Variants in RNF38 observed in about 807,000 individuals in gnomAD.
RNF38 encodes ring finger protein 38.
In RNF38, 15 loss-of-function variants were observed where a neutral mutation model predicts 67.2. The ratio of observed to expected loss-of-function variants is 0.22; its 90% CI spans 0.15 to 0.34. The LOEUF (loss-of-function observed/expected upper bound fraction) is 0.34. Ranked by LOEUF, RNF38 falls within the 10% of genes least tolerant of loss-of-function variation. The probability of loss-of-function intolerance (pLI) is 1.00; values close to 1 mark genes in which losing one functional copy is unlikely to be tolerated. For synonymous variants in RNF38, 220 were observed against 218.8 expected, an observed-to-expected ratio of 1.01 and a Z score of -0.05; for missense variants, 524 against 639.9, an observed-to-expected ratio of 0.82 and a Z score of 1.95.
intron 1 of RNF38, among the ~76,000 whole-genome samples, chr9:36,443,908 T>C (rs993892506): frequency 1.3e-5 from 2 of 152,112 alleles, no homozygotes; most frequent in African/African-American, 2.4e-5. Flanking sequence ...CAGTCAACTT[T>C]TGGCTAATGA....
intron 3 of RNF38, among the ~76,000 whole-genome samples, chr9:36,370,164 A>G (rs1251570114): frequency 6.6e-6 from 1 of 152,238 alleles, no homozygotes; most frequent in Non-Finnish European, 1.5e-5. Context: ...GTATTTAGAA[A>G]TCAACAGCTA....
chr9:36,402,042 T>C (rs1838056112), upstream of RNF38, among the ~76,000 whole-genome samples: 1 of 152,180 alleles, frequency 6.6e-6, no homozygotes, highest in African/African-American at 2.4e-5. Context: ...TGTACACTTG[T>C]CTCCCATATC....
exon 1 of RNF38, chr9:36,487,433 G>A: frequency 2.0e-6 from 2 of 980,956 alleles, no homozygotes; most frequent in Non-Finnish European, 2.4e-6. Context: ...TGGGGGGCGC[G>A]GGCGGCGCGG....
intron 4 of RNF38, 58 bp from the exon 5 acceptor site, chr9:36,358,000 T>C: frequency 6.9e-7 from 1 of 1,447,886 alleles, no homozygotes; most frequent in Non-Finnish European, 9.6e-7. Flanking sequence ...TGTTAACTAT[T>C]CAAAATCAAC....
chr9:36,344,813 G>A lies in RNF38; in HGVS notation c.1385+19C>T. The A allele has an allele frequency of 6.2e-7, 1 of 1,607,958 alleles. No individual in the cohort carries two copies. The highest frequency in any genetic ancestry group is 8.5e-7 in the Non-Finnish European group (1 of 1,175,992). On this transcript the variant is annotated intron_variant, in intron 10 of 11. Coordinates refer to ENST00000259605, the MANE Select transcript of RNF38 (RefSeq NM_022781.5). ...GTAGAAAAGGAAATTTAGCAGTGAT[G>A]TCAGAAAAATTTACTTACAAAGTCT...
intron 2 of RNF38, among the ~76,000 whole-genome samples, chr9:36,415,477 T>C (rs923377739): frequency 6.6e-6 from 1 of 152,178 alleles, no homozygotes; most frequent in Non-Finnish European, 1.5e-5. Flanking sequence ...TGGGGCTCAA[T>C]AGCTGTTGTT....
intron 1 of RNF38, among the ~76,000 whole-genome samples, chr9:36,451,414 C>G (rs575260127): frequency 3.3e-5 from 5 of 149,396 alleles, no homozygotes; most frequent in African/African-American, 4.9e-5. Flanking sequence ...CGCAGTGAGC[C>G]GAGATGGCAC....
chr9:36,401,613 T>C (rs1023525698), upstream of RNF38, among the ~76,000 whole-genome samples: 2 of 152,244 alleles, frequency 1.3e-5, no homozygotes, highest in African/African-American at 4.8e-5. Flanking sequence ...AGAACAAAGA[T>C]TGAAGCCGGC....
intron 2 of RNF38, among the ~76,000 whole-genome samples, chr9:36,380,961 A>AT (rs1836171028): frequency 6.6e-6 from 1 of 152,238 alleles, no homozygotes; most frequent in Non-Finnish European, 1.5e-5. Flanking sequence ...AGTAGTCAAA[A>AT]TTTCCAAAGT....
chr9:36,431,856 C>T (rs1481768244), intron 1 of RNF38, among the ~76,000 whole-genome samples: 1 of 152,098 alleles, frequency 6.6e-6, no homozygotes, highest in East Asian at 1.9e-4. Context: ...CAGCCCTCAT[C>T]TAGAAGCTAT....
rs775116521 is a variant in RNF38 at position 36,454,905 on chromosome 9, G to A, written n.242-30222C>T. ...GACCTAATTTTAAATCCTGTAAACA[G>A]ATTTTCAAGGTTATATATTTATGCT... On this transcript the variant is annotated intron_variant and non_coding_transcript_variant, in intron 1 of 3. Coordinates refer to the RNF38 transcript ENST00000488058. Among the ~76,000 whole-genome samples the A allele has an allele frequency of 1.4e-4, 22 of 152,152 alleles. 1 individual carries two copies. Among genetic ancestry groups the A allele is most frequent in the Middle Eastern group, 3.4e-3 (1 of 294 alleles).
intron 3 of RNF38, 54 bp downstream of exon 3, chr9:36,375,880 C>T (rs1201542052): frequency 6.7e-7 from 1 of 1,503,454 alleles, no homozygotes; most frequent in African/African-American, 1.4e-5. Flanking sequence ...GTTAAATATA[C>T]TCACAAATCT....
chr9:36,469,804 C>T lies in RNF38; in HGVS notation n.241+17504G>A, dbSNP rs148817378. Among the ~76,000 whole-genome samples, 1,219 of 152,156 alleles carry T rather than the reference C, an allele frequency of 8.0e-3. 19 individuals carry two copies. The highest frequency in any genetic ancestry group is 0.027 in the African/African-American group (1,127 of 41,506). ...CAGCCTGGCCAACATGGCGAAAACC[C>T]GTCTCTACTACAAAATACAAAAAAT... On this transcript the variant is annotated intron_variant and non_coding_transcript_variant, in intron 1 of 3. Coordinates refer to the RNF38 transcript ENST00000488058.
chr9:36,391,551 C>G (rs1402244669), intron 1 of RNF38, among the ~76,000 whole-genome samples: 1 of 151,598 alleles, frequency 6.6e-6, no homozygotes. Context: ...TCACTCAATC[C>G]TACATTTAAG....
intron 3 of RNF38, among the ~76,000 whole-genome samples, chr9:36,373,890 C>T (rs1835582676): frequency 6.6e-6 from 1 of 152,048 alleles, no homozygotes; most frequent in Non-Finnish European, 1.5e-5. Flanking sequence ...AGGGTTTCAC[C>T]ATGTTGGTCA....
intron 2 of RNF38, among the ~76,000 whole-genome samples, chr9:36,407,689 T>C (rs1297693471): frequency 6.6e-6 from 1 of 152,174 alleles, no homozygotes; most frequent in East Asian, 1.9e-4. Context: ...CTCTTGCTTG[T>C]TCTGTTCCGG....
chr9:36,444,380 TA>T, intron 1 of RNF38, among the ~76,000 whole-genome samples: 1 of 152,174 alleles, frequency 6.6e-6, no homozygotes, highest in South Asian at 2.1e-4. Context: ...GGTGATAGGT[TA>T]ATCTGTGCTG....
At chr9:36,342,275 A>G (rs1359409235) in intron 11 of RNF38, 50 bp downstream of exon 11, 12 of 1,322,618 alleles carry the variant, frequency 9.1e-6, no homozygotes, top group Admixed American at 5.1e-5. Flanking sequence ...TCCATGGTCA[A>G]TAAAATAGAA....
At chr9:36,392,566 C>T (rs1239056444) in intron 1 of RNF38, among the ~76,000 whole-genome samples, 1 of 151,934 alleles carries the variant, frequency 6.6e-6, no homozygotes, top group African/African-American at 2.4e-5. Context: ...GAGAAAACCC[C>T]ATCTCTACTC....
Sources: gnomAD v4.1 joint callset for allele counts (sites outside exome capture counted in the v4.1 genomes callset) on GRCh38, gnomAD v4.1.1 for gene constraint, MANE v1.5 for transcripts, NCBI Gene and HGNC (gene_info 2026-07-23, HGNC 2026-07-21) for gene names.